The following KATNBL1 variants were observed in gnomAD, a reference collection of about 807,000 sequenced individuals.
The protein encoded by KATNBL1 is katanin regulatory subunit B1 like 1.
A neutral mutation model predicts 44.7 loss-of-function variants in KATNBL1; 28 were observed. That is an observed-to-expected ratio of 0.63 (90% CI 0.46 to 0.86). KATNBL1 has a LOEUF of 0.86. KATNBL1 is among the 40% of genes least tolerant of loss of function. KATNBL1 has a pLI of 0.00. For missense variants in KATNBL1, 272 were observed against 350.7 expected, an observed-to-expected ratio of 0.78 and a Z score of 1.79; for synonymous variants, 78 against 114.9, an observed-to-expected ratio of 0.68 and a Z score of 2.06.
chr15:34,199,260 A>C (rs1890105282), intron 1 of KATNBL1, among the ~76,000 whole-genome samples: 1 of 152,150 alleles, frequency 6.6e-6, no homozygotes, highest in Non-Finnish European at 1.5e-5. Context: ...AACATGGCAA[A>C]ACCCCGTCTC....
At position 34,142,266 on chromosome 15, in the gene KATNBL1, C is replaced by CTTT; in HGVS notation, c.*70_*72dup. ...CACAGTTCACAGTTCTCAGACGAGA[C>CTTT]TTTTTTTTTTTGTAAATTATACAGT... On this transcript the variant is annotated 3_prime_UTR_variant, in exon 10 of 10. Transcript: ENST00000256544. The CTTT allele has an allele frequency of 2.5e-6, 3 of 1,213,676 alleles. No individual in the cohort carries two copies. Among genetic ancestry groups the CTTT allele is most frequent in the South Asian group, 1.9e-5 (1 of 53,426 alleles). The allele number at this position is 1,213,676 out of a possible 1,614,324, so 75.2% of individuals were successfully genotyped here.
At chr15:34,207,360 C>T (rs1340048030) in intron 1 of KATNBL1, among the ~76,000 whole-genome samples, 1 of 152,124 alleles carries the variant, frequency 6.6e-6, no homozygotes, top group Non-Finnish European at 1.5e-5. Flanking sequence ...AGGCGTGTGA[C>T]ACCACGCCCA....
chr15:34,208,168 G>A (rs1430599025), intron 1 of KATNBL1, among the ~76,000 whole-genome samples: 1 of 152,132 alleles, frequency 6.6e-6, no homozygotes, highest in Non-Finnish European at 1.5e-5. Flanking sequence ...CTTCAGGGGT[G>A]ATTTCCGAGA....
chr15:34,193,451 C>G (rs1889944821), intron 1 of KATNBL1, among the ~76,000 whole-genome samples: 1 of 150,416 alleles, frequency 6.6e-6, no homozygotes, highest in Non-Finnish European at 1.5e-5. Context: ...CAAGAATCGC[C>G]TGAACCTGGG....
intron 2 of KATNBL1, 125 bp from the exon 3 acceptor site, chr15:34,154,809 G>A: frequency 1.5e-6 from 1 of 679,180 alleles, no homozygotes; most frequent in South Asian, 1.6e-5. Context: ...TGCCAATCGT[G>A]CCTGGAGTGG....
intron 1 of KATNBL1, among the ~76,000 whole-genome samples, chr15:34,200,843 C>T (rs540189626): frequency 1.8e-4 from 27 of 151,726 alleles, no homozygotes; most frequent in African/African-American, 6.3e-4. Context: ...TTTGAGACAG[C>T]GTCTTGCTCT....
intron 1 of KATNBL1, among the ~76,000 whole-genome samples, chr15:34,187,617 T>C (rs916279611): frequency 1.3e-5 from 2 of 152,138 alleles, no homozygotes; most frequent in Non-Finnish European, 2.9e-5. Context: ...AAGCCACCTG[T>C]AAAATAAGCT....
intron 1 of KATNBL1, among the ~76,000 whole-genome samples, chr15:34,172,571 A>G (rs1229175396): frequency 6.6e-6 from 1 of 152,110 alleles, no homozygotes; most frequent in African/African-American, 2.4e-5. Context: ...AACATATTCT[A>G]AAAAGGGGGA....
chr15:34,196,023 A>T (rs1300552442), intron 1 of KATNBL1, among the ~76,000 whole-genome samples: 1 of 152,218 alleles, frequency 6.6e-6, no homozygotes, highest in East Asian at 1.9e-4. Flanking sequence ...AATAATAAAA[A>T]CTGGAAAGGG....
intron 1 of KATNBL1, among the ~76,000 whole-genome samples, chr15:34,201,708 G>T (rs931479168): frequency 3.9e-5 from 6 of 152,024 alleles, no homozygotes; most frequent in African/African-American, 1.2e-4. Flanking sequence ...ATTCAACAGG[G>T]AGGAAAAAAT....
intron 5 of KATNBL1, among the ~76,000 whole-genome samples, chr15:34,147,849 G>T (rs75038092): frequency 0.1 from 15,883 of 152,034 alleles, 1,089 homozygotes; most frequent in Non-Finnish European, 0.15. Flanking sequence ...ACTCAAAAGG[G>T]ATGTTTACTT....
chr15:34,153,102 A>T, intron 3 of KATNBL1, 33 bp from the exon 4 acceptor site: 1 of 1,510,490 alleles, frequency 6.6e-7, no homozygotes, highest in Non-Finnish European at 9.0e-7. Context: ...TAAATGAAAA[A>T]GAACCATATG....
rs184755120 is a variant in KATNBL1, at chr15:34,184,422, G to A, written c.-14-20732C>T. Among the ~76,000 whole-genome samples, 6 of 149,730 alleles carry A rather than the reference G, an allele frequency of 4.0e-5. No homozygotes were observed. In the South Asian group the frequency reaches 1.1e-3, roughly 26 times the overall value. Reference sequence around the variant, plus strand: ...GCCAATGCTACAGTGAGCTGAGATCGCTACAGTGAACCGAGATTGCGCCAC... The same window carrying A: ...GCCAATGCTACAGTGAGCTGAGATCACTACAGTGAACCGAGATTGCGCCAC... On this transcript the variant is annotated intron_variant, in intron 1 of 9. Coordinates refer to ENST00000256544, the MANE Select transcript of KATNBL1 (RefSeq NM_024713.3).
At chr15:34,152,365 G>A (rs569743529) in intron 4 of KATNBL1, among the ~76,000 whole-genome samples, 68 of 152,058 alleles carry the variant, frequency 4.5e-4, no homozygotes, top group African/African-American at 1.2e-3. Context: ...CACCATGCCC[G>A]GCTAATTTTT....
chr15:34,201,018 T>C (rs1189770937), intron 1 of KATNBL1, among the ~76,000 whole-genome samples: 1 of 152,060 alleles, frequency 6.6e-6, no homozygotes, highest in Non-Finnish European at 1.5e-5. Context: ...GGTTTCACCA[T>C]GTTGGCCAGA....
intron 9 of KATNBL1, chr15:34,143,022 T>C (rs1253894724): frequency 1.6e-6 from 2 of 1,248,424 alleles, no homozygotes; most frequent in East Asian, 5.7e-5. Flanking sequence ...CTTCTTTCAA[T>C]TTCTATACTC....
intron 1 of KATNBL1, among the ~76,000 whole-genome samples, chr15:34,164,290 G>A (rs1006280225): frequency 2.6e-5 from 4 of 152,146 alleles, no homozygotes; most frequent in Non-Finnish European, 5.9e-5. Flanking sequence ...CATGTCACTA[G>A]CCATTTAATA....
intron 1 of KATNBL1, among the ~76,000 whole-genome samples, chr15:34,166,476 T>C (rs1888978830): frequency 6.6e-6 from 1 of 152,226 alleles, no homozygotes; most frequent in African/African-American, 2.4e-5. Context: ...TCTGCAAGGC[T>C]TGCTGCCTCT....
intron 9 of KATNBL1, chr15:34,142,591 G>T (rs763647572): frequency 2.3e-6 from 1 of 440,594 alleles, no homozygotes. Flanking sequence ...CTAAATGAAT[G>T]TGTTGGTTCC....
Sources: allele counts gnomAD v4.1 joint callset (sites outside exome capture counted in the v4.1 genomes callset), GRCh38; gene constraint gnomAD v4.1.1; transcripts MANE v1.5; gene names NCBI Gene and HGNC (gene_info 2026-07-23, HGNC 2026-07-21).